The following DGKI variants were observed in gnomAD, a reference collection of about 807,000 sequenced individuals.
The protein encoded by DGKI is DAG kinase iota.
In DGKI, 55 loss-of-function variants were observed where a neutral mutation model predicts 147.5. That is an observed-to-expected ratio of 0.37 (90% CI 0.30 to 0.47). The LOEUF is 0.47. DGKI is among the 20% of genes least tolerant of loss of function. The pLI is 1.00. For synonymous variants in DGKI, 469 were observed against 477.1 expected (o/e 0.98, Z 0.22); for missense variants, 1,007 against 1,323.8 (o/e 0.76, Z 3.71).
chr7:137,694,043 C>T (rs1585378946), intron 1 of DGKI, among the ~76,000 whole-genome samples: 3 of 152,082 alleles, frequency 2.0e-5, no homozygotes, highest in Admixed American at 1.3e-4. Context: ...TATGGAAGGC[C>T]GGGCACGGTG....
intron 1 of DGKI, among the ~76,000 whole-genome samples, chr7:137,780,771 G>A (rs1209948807): frequency 1.3e-5 from 2 of 152,128 alleles, no homozygotes; most frequent in African/African-American, 4.8e-5. Flanking sequence ...ACCAAAAAAG[G>A]TGCTATAAAC....
chr7:137,595,892 C>T (rs1238617593), intron 12 of DGKI, among the ~76,000 whole-genome samples: 1 of 149,488 alleles, frequency 6.7e-6, no homozygotes, highest in Non-Finnish European at 1.5e-5. Context: ...GTCCCAACTA[C>T]TCGGGAGGCT....
chr7:137,423,172 A>G (rs966939408), intron 28 of DGKI, among the ~76,000 whole-genome samples: 1 of 152,196 alleles, frequency 6.6e-6, no homozygotes, highest in Non-Finnish European at 1.5e-5. Flanking sequence ...GAGAAATGGA[A>G]GAACTAATAA....
At chr7:137,488,885 T>C (rs568038019) in intron 21 of DGKI, among the ~76,000 whole-genome samples, 1 of 152,190 alleles carries the variant, frequency 6.6e-6, no homozygotes, top group Non-Finnish European at 1.5e-5. Context: ...CTTAGTCATT[T>C]GAAAACTATA....
At chr7:137,564,609 T>C (rs1338566455) in intron 19 of DGKI, among the ~76,000 whole-genome samples, 1 of 152,216 alleles carries the variant, frequency 6.6e-6, no homozygotes, top group Non-Finnish European at 1.5e-5. Context: ...AATAAACTTA[T>C]CCTTACTCTC....
rs140393139 is a variant in DGKI at position 137,571,186 on chromosome 7, T to C, written c.1936A>G (p.Met646Val). 7.5e-6 allele frequency: 12 copies of C among 1,607,342 alleles called. No homozygotes were observed. Among genetic ancestry groups the C allele is most frequent in the African/African-American group, 5.4e-5 (4 of 74,520 alleles). The change falls in exon 19 of 33, where the codon ATG becomes GTG. Residue 646 changes from methionine (M) to valine (V), a missense_variant. By Grantham distance (21) the Met-to-Val change is conservative. This residue lies in a region of DGKI where 224 missense variants were observed against 382.7 expected (regional missense o/e 0.59). Transcript: ENST00000614521. Reference protein sequence around the residue: ...DGYIEVIGFTMASLAALQVGG... With the variant: ...DGYIEVIGFTVASLAALQVGG... ...GTTATATTGCTCACCAAAGAGGCCA[T>C]GGTAAATCCAATGACTTCAATATAA...
chr7:137,563,355 T>G (rs1344282132), intron 19 of DGKI, among the ~76,000 whole-genome samples: 1 of 151,916 alleles, frequency 6.6e-6, no homozygotes, highest in Non-Finnish European at 1.5e-5. Flanking sequence ...AATACAAACA[T>G]GTGCATTCTT....
chr7:137,776,138 G>A (rs900880810), intron 1 of DGKI, among the ~76,000 whole-genome samples: 3 of 152,134 alleles, frequency 2.0e-5, no homozygotes, highest in East Asian at 1.9e-4. Context: ...GATTACAGGC[G>A]TGAGCCACCA....
At chr7:137,466,268 A>C (rs1305139860) in intron 25 of DGKI, among the ~76,000 whole-genome samples, 1 of 152,264 alleles carries the variant, frequency 6.6e-6, no homozygotes, top group African/African-American at 2.4e-5. Context: ...AGATATATCT[A>C]GAAATGGTCT....
chr7:137,424,597 T>C (rs1451914736), intron 28 of DGKI, among the ~76,000 whole-genome samples: 2 of 152,142 alleles, frequency 1.3e-5, no homozygotes, highest in African/African-American at 4.8e-5. Context: ...TTGCCTCACT[T>C]GGGAAGCACA....
intron 1 of DGKI, among the ~76,000 whole-genome samples, chr7:137,791,494 CA>C (rs1796853945): frequency 6.6e-6 from 1 of 152,238 alleles, no homozygotes; most frequent in African/African-American, 2.4e-5. Context: ...GGACCCAAGG[CA>C]ATCAGAAGAG....
At chr7:137,450,600 T>C (rs1042384739) in intron 27 of DGKI, among the ~76,000 whole-genome samples, 2 of 151,986 alleles carry the variant, frequency 1.3e-5, no homozygotes, top group Non-Finnish European at 2.9e-5. Flanking sequence ...CACGCGCCTA[T>C]AATCCCAGCT....
chr7:137,407,605 T>A (rs1812005047), intron 30 of DGKI, among the ~76,000 whole-genome samples: 1 of 151,964 alleles, frequency 6.6e-6, no homozygotes, highest in African/African-American at 2.4e-5. Flanking sequence ...TGTCCTCTAT[T>A]TAAAAAAAAA....
chr7:137,600,774 T>C (rs976794131), intron 10 of DGKI, among the ~76,000 whole-genome samples: 6 of 152,230 alleles, frequency 3.9e-5, no homozygotes, highest in South Asian at 4.1e-4. Context: ...TTTATACATA[T>C]ATAAAACTTC....
chr7:137,845,852 C>A (rs923057707), intron 1 of DGKI, among the ~76,000 whole-genome samples: 1 of 152,110 alleles, frequency 6.6e-6, no homozygotes, highest in African/African-American at 2.4e-5. Context: ...GCATGGAGCC[C>A]CCATAACCAG....
At chr7:137,420,210 C>T (rs765153123) in intron 28 of DGKI, among the ~76,000 whole-genome samples, 4 of 152,110 alleles carry the variant, frequency 2.6e-5, no homozygotes, top group African/African-American at 7.2e-5. Flanking sequence ...AGCAACCATC[C>T]CAAGAGAGCC....
At chr7:137,686,622 A>C (rs1215357572) in intron 2 of DGKI, among the ~76,000 whole-genome samples, 2 of 152,196 alleles carry the variant, frequency 1.3e-5, no homozygotes, top group Non-Finnish European at 2.9e-5. Context: ...AGGAAATGAG[A>C]ACATAAAAAT....
At chr7:137,785,240 C>T (rs1796633240) in intron 1 of DGKI, among the ~76,000 whole-genome samples, 1 of 151,594 alleles carries the variant, frequency 6.6e-6, no homozygotes, top group African/African-American at 2.4e-5. Context: ...TGAGATTAAC[C>T]AAGAAAAGAA....
rs540530443 is a variant in DGKI at position 137,712,931 on chromosome 7, G to A, written c.402-22929C>T. On this transcript the variant is annotated intron_variant, in intron 1 of 32. Transcript: ENST00000614521. The stretch of plus-strand genomic sequence containing the variant: ...CTCGCCACTTAGCAACTTGTTCTGC[G>A]AAGAATCCTGAAAAATGGTCAGCCA... Among the ~76,000 whole-genome samples the A allele has an allele frequency of 5.3e-5, 8 of 152,220 alleles. No homozygotes were observed. In the South Asian group the frequency reaches 6.2e-4, roughly 12 times the overall value.
Sources: allele counts gnomAD v4.1 joint callset (sites outside exome capture counted in the v4.1 genomes callset), GRCh38; gene constraint gnomAD v4.1.1; regional missense constraint gnomAD v4.1.1; transcripts MANE v1.5; gene names NCBI Gene and HGNC (gene_info 2026-07-23, HGNC 2026-07-21).